The following GARNL3 variants were observed in gnomAD, a reference collection of about 807,000 sequenced individuals.
GARNL3 encodes GTPase-activating Rap/Ran-GAP domain-like protein 3.
In GARNL3, 63 loss-of-function variants were observed where a neutral mutation model predicts 125.0. The observed-to-expected ratio is 0.50, with a 90% CI of 0.41 to 0.62. The LOEUF is 0.62. Ranked by LOEUF, GARNL3 falls within the 20% of genes least tolerant of loss-of-function variation. The probability of loss-of-function intolerance (pLI) is 0.00; values close to 1 mark genes in which losing one functional copy is unlikely to be tolerated. For synonymous variants in GARNL3, 439 were observed against 457.5 expected (o/e 0.96, Z 0.52); for missense variants, 994 against 1,244.0 (o/e 0.80, Z 3.02).
At chr9:127,240,857 A>G (rs1345489739) in intron 1 of GARNL3, among the ~76,000 whole-genome samples, 1 of 152,230 alleles carries the variant, frequency 6.6e-6, no homozygotes, top group Non-Finnish European at 1.5e-5. Context: ...ATAGTGAGTT[A>G]TGATTGTGCC....
rs369953447 is a variant in GARNL3 at position 127,338,164 on chromosome 9, A to G, written c.1028+3A>G. Reference sequence around the variant, plus strand: ...AATCAACAAAATGACAATTACAGGTAGGTAATGACTTTGTCTCGATTGCTT... The same window carrying G: ...AATCAACAAAATGACAATTACAGGTGGGTAATGACTTTGTCTCGATTGCTT... On this transcript the variant is annotated splice_donor_region_variant and intron_variant, in intron 12 of 27. Transcript: ENST00000373387. 5 of 1,603,534 alleles carry G rather than the reference A, an allele frequency of 3.1e-6. No homozygotes were observed. The East Asian group carries it at 8.9e-5, about 29-fold the overall frequency.
chr9:127,362,250 T>G (rs1392689950), intron 21 of GARNL3: 2 of 150,536 alleles, frequency 1.3e-5, no homozygotes, highest in African/African-American at 5.0e-5. Flanking sequence ...TTTTTTTTTT[T>G]GTATTTTTAG....
At position 127,313,427 on chromosome 9, in the gene GARNL3, C is replaced by G; in HGVS notation, c.320-14C>G. 6.3e-7 allele frequency: 1 copy of G among 1,583,388 alleles called. No individual in the cohort carries two copies. Among genetic ancestry groups the G allele is most frequent in the Non-Finnish European group, 8.7e-7 (1 of 1,152,074 alleles). On this transcript the variant is annotated splice_polypyrimidine_tract_variant and intron_variant, in intron 3 of 27. Transcript: ENST00000373387. ...TCAGTTGCATTCTCACTGTTCTAAA[C>G]CTTTCTTTTCCAGTCCATCAGAACT...
At chr9:127,333,613 A>C (rs1829386603) in intron 9 of GARNL3, among the ~76,000 whole-genome samples, 1 of 152,056 alleles carries the variant, frequency 6.6e-6, no homozygotes, top group Non-Finnish European at 1.5e-5. Context: ...TTGAGGCCAG[A>C]GGGAGGGGCG....
At chr9:127,323,641 G>C (rs1283636060) in intron 6 of GARNL3, among the ~76,000 whole-genome samples, 1 of 152,136 alleles carries the variant, frequency 6.6e-6, no homozygotes, top group African/African-American at 2.4e-5. Flanking sequence ...GAGCACTGGC[G>C]TGGGTGTTAA....
chr9:127,251,130 A>T (rs908942291), intron 2 of GARNL3, among the ~76,000 whole-genome samples: 1 of 152,226 alleles, frequency 6.6e-6, no homozygotes, highest in East Asian at 1.9e-4. Context: ...TTACTATTTT[A>T]ATCAGTGCTT....
intron 25 of GARNL3, among the ~76,000 whole-genome samples, chr9:127,387,669 G>A (rs531937235): frequency 8.7e-4 from 132 of 151,610 alleles, no homozygotes; most frequent in African/African-American, 3.2e-3. Context: ...CTTGACCCTG[G>A]GAGGTGGATG....
At chr9:127,311,249 G>GA (rs2065090343) in intron 2 of GARNL3, among the ~76,000 whole-genome samples, 1 of 147,710 alleles carries the variant, frequency 6.8e-6, no homozygotes, top group African/African-American at 2.5e-5. Context: ...AAAAAAAACA[G>GA]AAAAAACCTA....
intron 7 of GARNL3, among the ~76,000 whole-genome samples, chr9:127,326,562 A>G (rs886291665): frequency 1.6e-4 from 24 of 152,184 alleles, no homozygotes; most frequent in Admixed American, 1.5e-3. Context: ...CATGTACCCC[A>G]TAAATATAAC....
Position 127,316,671 on chromosome 9 carries a change from C to G in GARNL3, c.439-1392C>G, listed in dbSNP as rs10987594. Among the ~76,000 whole-genome samples, 943 of 152,310 alleles carry G rather than the reference C, an allele frequency of 6.2e-3. 29 individuals are homozygous for G. In the East Asian group the frequency reaches 0.11, roughly 17 times the overall value. On this transcript the variant is annotated intron_variant, in intron 4 of 27. Coordinates refer to ENST00000373387, the MANE Select transcript of GARNL3 (RefSeq NM_032293.5). Reference sequence around the variant, plus strand: ...GAAAAGCTCAGCCCAGTTTCCTTGGCTAATGGAGAACCCATAAGAAGGGCT... The same window carrying G: ...GAAAAGCTCAGCCCAGTTTCCTTGGGTAATGGAGAACCCATAAGAAGGGCT...
chr9:127,355,893 T>A (rs1475215574), intron 20 of GARNL3, among the ~76,000 whole-genome samples: 1 of 152,188 alleles, frequency 6.6e-6, no homozygotes. Context: ...CCTCTCTGAA[T>A]AGGTTACCTG....
At chr9:127,326,532 A>G (rs1028465284) in intron 7 of GARNL3, among the ~76,000 whole-genome samples, 1 of 152,216 alleles carries the variant, frequency 6.6e-6, no homozygotes, top group East Asian at 1.9e-4. Context: ...TACACATTGC[A>G]TGCCTGTATC....
At chr9:127,287,640 G>C (rs2064289681) in intron 1 of GARNL3, among the ~76,000 whole-genome samples, 1 of 152,228 alleles carries the variant, frequency 6.6e-6, no homozygotes, top group South Asian at 2.1e-4. Flanking sequence ...CTGCCACTCT[G>C]TGCTGGCCCT....
chr9:127,269,957 T>C (rs1300999577), intron 1 of GARNL3, among the ~76,000 whole-genome samples: 4 of 152,306 alleles, frequency 2.6e-5, no homozygotes, highest in Admixed American at 2.6e-4. Context: ...AATTTATCTA[T>C]TATTTATTTT....
intron 17 of GARNL3, among the ~76,000 whole-genome samples, chr9:127,350,775 CAA>C (rs1333253057): frequency 2.2e-5 from 3 of 139,302 alleles, no homozygotes. Context: ...GACTCCATCT[CAA>C]AAAAAAAAAA....
chr9:127,340,937 C>T (rs1158426335), intron 13 of GARNL3, among the ~76,000 whole-genome samples: 1 of 152,132 alleles, frequency 6.6e-6, no homozygotes, highest in Non-Finnish European at 1.5e-5. Flanking sequence ...ACATCCAAGT[C>T]CTGGCCAGGC....
At chr9:127,254,160 G>T (rs1001056587) in intron 2 of GARNL3, among the ~76,000 whole-genome samples, 6 of 152,132 alleles carry the variant, frequency 3.9e-5, no homozygotes, top group African/African-American at 1.4e-4. Context: ...TTAGGTGCTT[G>T]GATCCCATTC....
At chr9:127,354,652 T>C (rs1048577024) in intron 19 of GARNL3, among the ~76,000 whole-genome samples, 1 of 152,214 alleles carries the variant, frequency 6.6e-6, no homozygotes, top group Non-Finnish European at 1.5e-5. Context: ...TAAACTCTAT[T>C]AGCAAATCTA....
intron 21 of GARNL3, among the ~76,000 whole-genome samples, chr9:127,361,084 T>C (rs896114068): frequency 1.3e-5 from 2 of 152,172 alleles, no homozygotes; most frequent in African/African-American, 4.8e-5. Context: ...CAGAATCCAG[T>C]GGTTCTCAGC....
Sources: allele counts gnomAD v4.1 joint callset (sites outside exome capture counted in the v4.1 genomes callset), GRCh38; gene constraint gnomAD v4.1.1; transcripts MANE v1.5; gene names NCBI Gene and HGNC (gene_info 2026-07-23, HGNC 2026-07-21).